Variants in SPAG17 observed in about 807,000 individuals in gnomAD.
SPAG17 encodes the protein sperm associated antigen 17.
A neutral mutation model predicts 273.6 loss-of-function variants in SPAG17; 169 were observed. The observed-to-expected ratio is 0.62, with a 90% CI of 0.55 to 0.70. The LOEUF is 0.70. Ranked by LOEUF, SPAG17 falls within the 30% of genes least tolerant of loss-of-function variation. SPAG17 has a pLI of 0.00. For missense variants in SPAG17, 2,557 were observed against 2,627.8 expected (o/e 0.97, Z 0.59); for synonymous variants, 825 against 873.2 (o/e 0.94, Z 0.97).
At position 118,066,818 on chromosome 1, in the gene SPAG17, GA is replaced by G; in HGVS notation, c.2466del (p.His823ThrfsTer4). 6.2e-7 allele frequency: 1 copy of G among 1,613,726 alleles called. No homozygotes were observed. Among genetic ancestry groups the G allele is most frequent in the Non-Finnish European group, 8.5e-7 (1 of 1,179,750 alleles). ...AAACGTTGTCTATTCATTGGATTGT[GA>G]AAGACTAAAAGTAAAGAGTTGTCTT... ...HTQDNSLLLV[F>X]HNPMNRQRLH... On this transcript the variant is annotated frameshift_variant, in exon 18 of 49. Coordinates refer to ENST00000336338, the MANE Select transcript of SPAG17 (RefSeq NM_206996.4). LOFTEE classifies it high-confidence loss of function.
chr1:117,966,298 C>A (rs1653835265), intron 47 of SPAG17: 1 of 208,992 alleles, frequency 4.8e-6, no homozygotes, highest in Admixed American at 5.5e-5. Context: ...TCCTATCCTT[C>A]CATAAAATTA....
chr1:117,996,994 G>C (rs969750667), intron 32 of SPAG17, among the ~76,000 whole-genome samples: 2 of 152,124 alleles, frequency 1.3e-5, no homozygotes, highest in East Asian at 3.9e-4. Context: ...AAGTGAATAG[G>C]ATGGGGAGGA....
intron 1 of SPAG17, among the ~76,000 whole-genome samples, chr1:118,169,692 C>G (rs1300459352): frequency 6.6e-6 from 1 of 152,118 alleles, no homozygotes; most frequent in Non-Finnish European, 1.5e-5. Context: ...CCCAGTTTAT[C>G]ATCTATATAT....
At chr1:118,009,020 T>C (rs938905793) in intron 30 of SPAG17, among the ~76,000 whole-genome samples, 3 of 152,192 alleles carry the variant, frequency 2.0e-5, no homozygotes, top group Admixed American at 6.5e-5. Context: ...CAAATGTGTA[T>C]GAGTGTCCCT....
In SPAG17 at chr1:118,023,458, G is replaced by C. The variant is rs1647352370; in HGVS notation, c.3915C>G (p.Leu1305=). 6.2e-7 allele frequency: 1 copy of C among 1,605,114 alleles called. No individual in the cohort carries two copies. Among genetic ancestry groups the C allele is most frequent in the East Asian group, 2.2e-5 (1 of 44,664 alleles). ...KYMLDGSTQI[L]FADGAVSRSP... ...TCCTGCTCACAGCACCATCTGCAAAGAGAATCTGAAGAATGAACAAAAGTT... is the reference window on the plus strand; with the variant it reads ...TCCTGCTCACAGCACCATCTGCAAACAGAATCTGAAGAATGAACAAAAGTT... The change falls in exon 28 of 49, where the codon CTC becomes CTG. Residue 1305 remains leucine, a synonymous_variant. Coordinates refer to ENST00000336338, the MANE Select transcript of SPAG17 (RefSeq NM_206996.4).
At chr1:118,128,942 C>A (rs1657898931) in intron 3 of SPAG17, among the ~76,000 whole-genome samples, 1 of 152,206 alleles carries the variant, frequency 6.6e-6, no homozygotes, top group Non-Finnish European at 1.5e-5. Context: ...ATGATTGGTT[C>A]AAGAGGTGCA....
Position 118,039,355 on chromosome 1 carries a change from C to G in SPAG17, c.3256G>C (p.Glu1086Gln). 8 of 1,613,542 alleles carry G rather than the reference C, an allele frequency of 5.0e-6. No individual in the cohort carries two copies. The highest frequency in any genetic ancestry group is 6.8e-6 in the Non-Finnish European group (8 of 1,179,666). Residue 1086 changes from glutamate (E) to glutamine (Q), a missense_variant, in exon 23 of 49, where the codon GAG becomes CAG. By Grantham distance (29) the Glu-to-Gln change is conservative. Transcript: ENST00000336338. ...NDPKEIVKKE[E>Q]KGDYYLEEEE... ...TCTTCTAAATAATAATCCCCTTTCT[C>G]TTCCTTTTTCACAATTTCCTTAGGG...
intron 4 of SPAG17, among the ~76,000 whole-genome samples, chr1:118,106,299 T>G (rs1656394301): frequency 6.6e-6 from 1 of 152,188 alleles, no homozygotes; most frequent in South Asian, 2.1e-4. Flanking sequence ...TCGTCAAGTC[T>G]TCACAATAAC....
At chr1:118,054,675 G>C (rs1042886227) in intron 19 of SPAG17, among the ~76,000 whole-genome samples, 3 of 152,018 alleles carry the variant, frequency 2.0e-5, no homozygotes, top group Non-Finnish European at 2.9e-5. Flanking sequence ...ATGAGTGTTA[G>C]AGGGCAGCCC....
intron 8 of SPAG17, 36 bp from the exon 9 acceptor site, chr1:118,092,038 T>G: frequency 5.1e-6 from 8 of 1,556,026 alleles, no homozygotes; most frequent in Non-Finnish European, 7.1e-6. Context: ...ACAACTGAGA[T>G]ACCCAGCTGA....
chr1:118,074,149 T>G (rs1653872412), intron 16 of SPAG17, among the ~76,000 whole-genome samples, 182 bp from the exon 17 acceptor site: 1 of 152,190 alleles, frequency 6.6e-6, no homozygotes, highest in African/African-American at 2.4e-5. Context: ...TTGACTTTTT[T>G]TTTTATGGGC....
At chr1:118,066,182 C>T (rs556169119) in intron 18 of SPAG17, among the ~76,000 whole-genome samples, 1 of 151,970 alleles carries the variant, frequency 6.6e-6, no homozygotes, top group South Asian at 2.1e-4. Flanking sequence ...ACTGAAAATA[C>T]ATTAACCAGT....
intron 48 of SPAG17, chr1:117,963,029 G>C (rs1367053715): frequency 1.3e-5 from 2 of 152,218 alleles, no homozygotes; most frequent in Non-Finnish European, 2.9e-5. Context: ...GGTTCTTAAA[G>C]GTAGTATCAC....
At chr1:118,054,194 C>A in intron 19 of SPAG17, 101 bp from the exon 20 acceptor site, 2 of 683,290 alleles carry the variant, frequency 2.9e-6, no homozygotes, top group South Asian at 4.1e-5. Context: ...CTTTCAAGTT[C>A]AACTTCTCAT....
intron 3 of SPAG17, among the ~76,000 whole-genome samples, chr1:118,120,726 C>T (rs1393391607): frequency 1.3e-5 from 2 of 152,142 alleles, no homozygotes; most frequent in Non-Finnish European, 2.9e-5. Flanking sequence ...ACAGAATTTG[C>T]TTCTGGCTCC....
At chr1:118,002,978 C>T (rs1658472367) in intron 32 of SPAG17, among the ~76,000 whole-genome samples, 1 of 152,072 alleles carries the variant, frequency 6.6e-6, no homozygotes, top group Admixed American at 6.5e-5. Context: ...TGTTTCTTTC[C>T]ATGTTTAGTG....
intron 24 of SPAG17, among the ~76,000 whole-genome samples, chr1:118,036,070 C>A (rs1184145690): frequency 1.3e-5 from 2 of 152,068 alleles, no homozygotes; most frequent in East Asian, 3.9e-4. Flanking sequence ...CACCTATAGT[C>A]CCAGTTACTC....
intron 43 of SPAG17, among the ~76,000 whole-genome samples, chr1:117,974,900 G>A (rs1225267724): frequency 2.6e-5 from 4 of 152,116 alleles, no homozygotes; most frequent in Non-Finnish European, 5.9e-5. Context: ...GGGGGCTCTG[G>A]CAGTGATAAT....
At chr1:118,012,526 T>C (rs1285782701) in intron 29 of SPAG17, among the ~76,000 whole-genome samples, 154 bp from the exon 30 acceptor site, 1 of 152,212 alleles carries the variant, frequency 6.6e-6, no homozygotes, top group Non-Finnish European at 1.5e-5. Flanking sequence ...CTAACCTTCA[T>C]AACAATCTTG....
Sources: gnomAD v4.1 joint callset for allele counts (sites outside exome capture counted in the v4.1 genomes callset) on GRCh38, gnomAD v4.1.1 for gene constraint, MANE v1.5 for transcripts, NCBI Gene and HGNC (gene_info 2026-07-23, HGNC 2026-07-21) for gene names.